Variants in FHIT observed in about 807,000 individuals in gnomAD.
The protein encoded by FHIT is fragile histidine triad diadenosine triphosphatase.
Under a neutral mutation model 17.9 loss-of-function variants are expected in FHIT, and 19 were observed. The ratio of observed to expected loss-of-function variants is 1.06; its 90% CI spans 0.74 to 1.56. The LOEUF (loss-of-function observed/expected upper bound fraction) is 1.56, where lower values mean the gene tolerates loss of function less well. Among genes scored for constraint, FHIT ranks in the 40% most tolerant of loss-of-function variants. FHIT has a pLI of 0.00. For synonymous variants in FHIT, 81 were observed against 69.7 expected (o/e 1.16, Z -0.81); for missense variants, 248 against 189.2 (o/e 1.31, Z -1.82).
At chr3:60,315,651 A>C (rs1200922223) in intron 5 of FHIT, among the ~76,000 whole-genome samples, 1 of 152,158 alleles carries the variant, frequency 6.6e-6, no homozygotes, top group African/African-American at 2.4e-5. Flanking sequence ...ATTGCTCTGA[A>C]GTGTTGCATT....
In FHIT at chr3:60,536,846, A is replaced by G. The variant is rs771431561; in HGVS notation, c.103+14T>C. The G allele has an allele frequency of 7.6e-6, 12 of 1,574,780 alleles. No individual in the cohort carries two copies. The highest frequency in any genetic ancestry group is 3.4e-4 in the Middle Eastern group (2 of 5,828). ...CTTTTATTTTCCCTCTCCAAAAAAA[A>G]AAAGAAAGGATACGTCCTGGTACCA... is the stretch of plus-strand genomic sequence containing the variant. On this transcript the variant is annotated intron_variant, in intron 5 of 9. Coordinates refer to ENST00000492590, the MANE Select transcript of FHIT (RefSeq NM_002012.4).
intron 5 of FHIT, among the ~76,000 whole-genome samples, chr3:60,238,549 T>C (rs145049064): frequency 6.2e-4 from 94 of 152,132 alleles, no homozygotes; most frequent in African/African-American, 2.1e-3. Context: ...CATTTCACTA[T>C]GCATATGTTA....
intron 5 of FHIT, among the ~76,000 whole-genome samples, chr3:60,078,229 A>G (rs1315419956): frequency 6.6e-6 from 1 of 152,124 alleles, no homozygotes; most frequent in Non-Finnish European, 1.5e-5. Context: ...GAAAAATAGC[A>G]ATTTTCCAAT....
intron 8 of FHIT, among the ~76,000 whole-genome samples, chr3:59,817,718 CTAGT>C (rs1700652131): frequency 6.6e-6 from 1 of 152,150 alleles, no homozygotes; most frequent in Non-Finnish European, 1.5e-5. Flanking sequence ...TCCAAAGCAA[CTAGT>C]CAAGTCAGTT....
intron 1 of FHIT, among the ~76,000 whole-genome samples, chr3:61,236,356 C>A (rs1265408246): frequency 6.6e-6 from 1 of 151,616 alleles, no homozygotes; most frequent in Non-Finnish European, 1.5e-5. Context: ...GCTCTAGATG[C>A]CTTCCCAGTG....
At chr3:60,381,518 G>T (rs1700799341) in intron 5 of FHIT, among the ~76,000 whole-genome samples, 2 of 151,452 alleles carry the variant, frequency 1.3e-5, no homozygotes, top group African/African-American at 4.9e-5. Context: ...AAGATCATTA[G>T]ACATAAAACA....
chr3:61,216,262 T>A (rs574188456), intron 1 of FHIT, among the ~76,000 whole-genome samples: 1 of 152,124 alleles, frequency 6.6e-6, no homozygotes, highest in Non-Finnish European at 1.5e-5. Flanking sequence ...AGGGCTAATA[T>A]CCCGAATCTA....
chr3:60,471,567 C>T (rs2033090431), intron 5 of FHIT, among the ~76,000 whole-genome samples: 1 of 152,200 alleles, frequency 6.6e-6, no homozygotes. Context: ...CTCCACGTCT[C>T]ATGGACTGTG....
At chr3:60,236,307 T>A (rs13082004) in intron 5 of FHIT, among the ~76,000 whole-genome samples, 5 of 148,668 alleles carry the variant, frequency 3.4e-5, no homozygotes, top group African/African-American at 1.2e-4. Context: ...AAAGATAGCA[T>A]CTCATTTGGG....
intron 3 of FHIT, among the ~76,000 whole-genome samples, chr3:60,921,275 T>G (rs1442977570): frequency 1.3e-5 from 2 of 152,234 alleles, no homozygotes; most frequent in African/African-American, 4.8e-5. Context: ...TACTGAGCAC[T>G]GACTATATGC....
At chr3:59,978,476 T>C (rs1708509557) in intron 7 of FHIT, among the ~76,000 whole-genome samples, 1 of 151,928 alleles carries the variant, frequency 6.6e-6, no homozygotes, top group African/African-American at 2.4e-5. Context: ...TTAAATATTA[T>C]TAAATGCCTT....
Position 60,124,049 on chromosome 3 carries a change from G to GAGAGAC in FHIT, c.104-109898_104-109897insGTCTCT, listed in dbSNP as rs1553691030. On this transcript the variant is annotated intron_variant, in intron 5 of 9. Coordinates refer to ENST00000492590, the MANE Select transcript of FHIT (RefSeq NM_002012.4). ...AGAGAGAGAGAGAGAGAGAGAGAGA[G>GAGAGAC]AGAGAGACAGAGAGAGAGAGAGATA... Among the ~76,000 whole-genome samples, 39 of 109,466 alleles carry GAGAGAC rather than the reference G, an allele frequency of 3.6e-4. 1 individual carries two copies. The highest frequency in any genetic ancestry group is 1.6e-3 in the African/African-American group (36 of 22,994). The allele number at this position is 109,466 out of a possible 152,430, so 71.8% of individuals were successfully genotyped here.
chr3:60,608,062 A>G (rs2038663956), intron 4 of FHIT, among the ~76,000 whole-genome samples: 1 of 152,156 alleles, frequency 6.6e-6, no homozygotes, highest in Non-Finnish European at 1.5e-5. Flanking sequence ...CAGCAGCTCC[A>G]TCTGGAGCAC....
At chr3:61,083,187 A>G (rs1486634950) in intron 2 of FHIT, among the ~76,000 whole-genome samples, 1 of 152,244 alleles carries the variant, frequency 6.6e-6, no homozygotes, top group Non-Finnish European at 1.5e-5. Flanking sequence ...TATAACTCAC[A>G]TACCATCCAA....
In FHIT at chr3:60,618,569, C is replaced by A. The variant is rs116980522; in HGVS notation, c.-17-81590G>T. Reference sequence around the variant, plus strand: ...CGTTCCTGCGTTAATTTGCTGAGGGCAAAACCTGATTACTTTGAAAACAAG... The same window carrying A: ...CGTTCCTGCGTTAATTTGCTGAGGGAAAAACCTGATTACTTTGAAAACAAG... On this transcript the variant is annotated intron_variant, in intron 4 of 9. Coordinates refer to ENST00000492590, the MANE Select transcript of FHIT (RefSeq NM_002012.4). Among the ~76,000 whole-genome samples the A allele has an allele frequency of 1.2e-3, 190 of 152,264 alleles. 1 individual carries two copies. The East Asian group carries it at 0.025, about 20-fold the overall frequency.
At chr3:60,887,920 A>G (rs1434891053) in intron 3 of FHIT, among the ~76,000 whole-genome samples, 1 of 152,212 alleles carries the variant, frequency 6.6e-6, no homozygotes, top group Non-Finnish European at 1.5e-5. Flanking sequence ...GAACGTCTAT[A>G]TGGAAAATAA....
intron 2 of FHIT, among the ~76,000 whole-genome samples, chr3:61,070,040 A>G (rs1418530260): frequency 6.6e-6 from 1 of 152,136 alleles, no homozygotes; most frequent in Admixed American, 6.6e-5. Context: ...CCTTCTGAGT[A>G]GCACGCCTGG....
intron 5 of FHIT, among the ~76,000 whole-genome samples, chr3:60,070,335 G>C (rs2106969371): frequency 6.6e-6 from 1 of 152,328 alleles, no homozygotes; most frequent in Non-Finnish European, 1.5e-5. Flanking sequence ...GACAGTGCCT[G>C]ATATATTGCT....
intron 5 of FHIT, among the ~76,000 whole-genome samples, chr3:60,087,221 T>C (rs1472230855): frequency 6.6e-6 from 1 of 152,182 alleles, no homozygotes; most frequent in Non-Finnish European, 1.5e-5. Context: ...GCAGCAATAC[T>C]TTAGGCCTGT....
Sources: allele counts gnomAD v4.1 joint callset (sites outside exome capture counted in the v4.1 genomes callset), GRCh38; gene constraint gnomAD v4.1.1; transcripts MANE v1.5; gene names NCBI Gene and HGNC (gene_info 2026-07-23, HGNC 2026-07-21).